FAM163A: variants seen among roughly 807,000 people sequenced by gnomAD.
FAM163A encodes the protein protein FAM163A.
FAM163A carries 7 observed loss-of-function variants against 12.0 expected under a neutral mutation model. The ratio of observed to expected loss-of-function variants is 0.58; its 90% CI spans 0.33 to 1.10. FAM163A has a LOEUF of 1.10. FAM163A is among the 50% of genes least tolerant of loss of function. The pLI is 0.03. For missense variants in FAM163A, 202 were observed against 218.6 expected, an observed-to-expected ratio of 0.92 and a Z score of 0.48; for synonymous variants, 101 against 91.0, an observed-to-expected ratio of 1.11 and a Z score of -0.62.
chr1:179,732,900 A>AAAAAAAAAAAG, the FAM163A span, among the ~76,000 whole-genome samples: 1 of 151,116 alleles, frequency 6.6e-6, no homozygotes, highest in Non-Finnish European at 1.5e-5. Context: ...AAAAAAAAAA[A>AAAAAAAAAAAG]AAAAAAGATT....
chr1:179,806,429 G>A (rs1266683649), intron 1 of FAM163A, among the ~76,000 whole-genome samples: 2 of 152,132 alleles, frequency 1.3e-5, no homozygotes, highest in African/African-American at 4.8e-5. Flanking sequence ...CTAGGAGAGA[G>A]GTGATACGGG....
chr1:179,757,669 A>C (rs760162674), intron 1 of FAM163A, among the ~76,000 whole-genome samples: 4 of 152,190 alleles, frequency 2.6e-5, no homozygotes, highest in Middle Eastern at 3.4e-3. Flanking sequence ...AAAATTAGCC[A>C]GGCGTGGTGG....
rs114428083 is a variant in FAM163A, at chr1:179,765,160, G to T, written c.-136+21737G>T. Among the ~76,000 whole-genome samples the T allele has an allele frequency of 7.9e-3, 1,198 of 152,308 alleles. 23 individuals carry two copies. Among genetic ancestry groups the T allele is most frequent in the African/African-American group, 0.027 (1,119 of 41,540 alleles). ...GGCTGCCGCTGGTGGAGGCTGGTTT[G>T]CTCTGTGTCAAAGTGGATGTCACCC... On this transcript the variant is annotated intron_variant, in intron 1 of 4. Coordinates refer to ENST00000341785, the MANE Select transcript of FAM163A (RefSeq NM_173509.3).
the FAM163A span, among the ~76,000 whole-genome samples, chr1:179,734,321 T>C: frequency 2.0e-5 from 3 of 152,258 alleles, no homozygotes; most frequent in Non-Finnish European, 2.9e-5. Context: ...ATCTTAATCA[T>C]TGACTAAACA....
intron 1 of FAM163A, among the ~76,000 whole-genome samples, chr1:179,763,104 T>A (rs991038759): frequency 2.0e-5 from 3 of 152,104 alleles, no homozygotes; most frequent in Non-Finnish European, 2.9e-5. Context: ...AAGAAGGGTG[T>A]GGGGGAGGCC....
intron 2 of FAM163A, among the ~76,000 whole-genome samples, chr1:179,808,967 C>T (rs1390945604): frequency 6.6e-6 from 1 of 152,104 alleles, no homozygotes; most frequent in African/African-American, 2.4e-5. Context: ...ATTAGCCAGC[C>T]GTGGTAGCAC....
chr1:179,755,290 G>A (rs1394841366), intron 1 of FAM163A, among the ~76,000 whole-genome samples: 1 of 152,164 alleles, frequency 6.6e-6, no homozygotes, highest in African/African-American at 2.4e-5. Context: ...GATTGGTCAG[G>A]AGACTGTGAG....
chr1:179,728,231 G>A, the FAM163A span, among the ~76,000 whole-genome samples: 198 of 152,238 alleles, frequency 1.3e-3, no homozygotes, highest in African/African-American at 4.6e-3. Flanking sequence ...TTTTCAAACT[G>A]TGATTATCTT....
intron 1 of FAM163A, among the ~76,000 whole-genome samples, chr1:179,785,971 G>A (rs1206594298): frequency 6.6e-6 from 1 of 152,060 alleles, no homozygotes; most frequent in Non-Finnish European, 1.5e-5. Flanking sequence ...ATTTCCTTTG[G>A]GGAAATGCTT....
At chr1:179,797,295 A>C (rs905361351) in intron 1 of FAM163A, among the ~76,000 whole-genome samples, 1 of 152,134 alleles carries the variant, frequency 6.6e-6, no homozygotes, top group African/African-American at 2.4e-5. Context: ...AAAAATACAA[A>C]AAATTAGCTG....
intron 1 of FAM163A, among the ~76,000 whole-genome samples, chr1:179,770,292 A>G (rs967735616): frequency 2.0e-5 from 3 of 152,062 alleles, no homozygotes; most frequent in African/African-American, 7.2e-5. Context: ...TTGCTCATTC[A>G]TGGCCATGGC....
chr1:179,736,029 T>A, the FAM163A span, among the ~76,000 whole-genome samples: 4 of 152,150 alleles, frequency 2.6e-5, no homozygotes, highest in Non-Finnish European at 5.9e-5. Context: ...AAATGTTAAC[T>A]CAAAATGAAT....
At chr1:179,730,526 G>A in the FAM163A span, 1 of 152,186 alleles carries the variant, frequency 6.6e-6, no homozygotes, top group East Asian at 1.9e-4. Flanking sequence ...TTGATATAAA[G>A]TAGAAACTAG....
intron 1 of FAM163A, among the ~76,000 whole-genome samples, chr1:179,749,299 CAGA>C (rs773515105): frequency 2.6e-5 from 4 of 152,168 alleles, no homozygotes; most frequent in Non-Finnish European, 5.9e-5. Context: ...GAAGAGATCA[CAGA>C]AGAAGGTGGT....
intron 4 of FAM163A, 109 bp from the exon 5 acceptor site, chr1:179,813,670 C>A: frequency 7.7e-7 from 1 of 1,292,846 alleles, no homozygotes; most frequent in Non-Finnish European, 1.1e-6. Context: ...CAGTGCCTGG[C>A]ACTAGGTTCT....
chr1:179,760,855 C>T (rs1338522330), intron 1 of FAM163A, among the ~76,000 whole-genome samples: 5 of 152,176 alleles, frequency 3.3e-5, no homozygotes, highest in African/African-American at 7.2e-5. Flanking sequence ...CAAGGACCCC[C>T]GCAATCTGGC....
the FAM163A span, among the ~76,000 whole-genome samples, chr1:179,731,989 C>A: frequency 6.6e-6 from 1 of 152,076 alleles, no homozygotes; most frequent in Non-Finnish European, 1.5e-5. Flanking sequence ...GCTAATAATC[C>A]CAGGTCTCAT....
In FAM163A at chr1:179,772,290, C is replaced by T. The variant is rs77530666; in HGVS notation, c.-136+28867C>T. On this transcript the variant is annotated intron_variant, in intron 1 of 4. Transcript: ENST00000341785. ...CTGCTGTCCCACAGGCTCTCACATC[C>T]ATCTCCTTTGAGTTCCTCCAACCCT... Among the ~76,000 whole-genome samples, 1,175 of 152,298 alleles carry T rather than the reference C, an allele frequency of 7.7e-3. 20 individuals are homozygous for T. The highest frequency in any genetic ancestry group is 0.026 in the African/African-American group (1,095 of 41,558).
At chr1:179,805,568 A>C (rs1287169512) in intron 1 of FAM163A, among the ~76,000 whole-genome samples, 2 of 152,066 alleles carry the variant, frequency 1.3e-5, no homozygotes. Context: ...GGAATGCATA[A>C]TAATCATGAG....
Sources: allele counts gnomAD v4.1 joint callset (sites outside exome capture counted in the v4.1 genomes callset), GRCh38; gene constraint gnomAD v4.1.1; transcripts MANE v1.5; gene names NCBI Gene and HGNC (gene_info 2026-07-23, HGNC 2026-07-21).